RIMS2: variants seen among roughly 807,000 people sequenced by gnomAD.
RIMS2 encodes regulating synaptic membrane exocytosis 2.
RIMS2 carries 59 observed loss-of-function variants against 174.4 expected under a neutral mutation model. The observed-to-expected ratio is 0.34, with a 90% CI of 0.27 to 0.42. The LOEUF (loss-of-function observed/expected upper bound fraction) is 0.42, where lower values mean the gene tolerates loss of function less well. Ranked by LOEUF, RIMS2 falls within the 10% of genes least tolerant of loss-of-function variation. RIMS2 has a pLI of 1.00. For synonymous variants in RIMS2, 606 were observed against 572.5 expected, an observed-to-expected ratio of 1.06 and a Z score of -0.84; for missense variants, 1,620 against 1,666.3, an observed-to-expected ratio of 0.97 and a Z score of 0.48.
chr8:104,105,634 C>T (rs2131370289), intron 19 of RIMS2, among the ~76,000 whole-genome samples: 1 of 152,210 alleles, frequency 6.6e-6, no homozygotes, highest in East Asian at 1.9e-4. Context: ...ATGGTGCTAT[C>T]ATAGCTCACT....
chr8:103,865,284 C>CTTTTTTTTTTT (rs67300843), intron 3 of RIMS2, among the ~76,000 whole-genome samples: 11 of 119,726 alleles, frequency 9.2e-5, no homozygotes, highest in Non-Finnish European at 1.3e-4. Context: ...CAGTTTTTTT[C>CTTTTTTTTTTT]TTTTTTTTTT....
chr8:104,090,796 A>G (rs1598602524), intron 19 of RIMS2, among the ~76,000 whole-genome samples: 2 of 151,804 alleles, frequency 1.3e-5, no homozygotes, highest in African/African-American at 4.8e-5. Context: ...TTGTTTTATA[A>G]ACATATTTTC....
At chr8:103,534,411 G>T (rs556175163) in intron 1 of RIMS2, among the ~76,000 whole-genome samples, 1 of 152,120 alleles carries the variant, frequency 6.6e-6, no homozygotes, top group Admixed American at 6.5e-5. Context: ...CTGTGTAATT[G>T]AAGAGTTAAT....
intron 1 of RIMS2, among the ~76,000 whole-genome samples, chr8:103,586,915 A>C (rs2093953235): frequency 6.6e-6 from 1 of 152,074 alleles, no homozygotes; most frequent in Non-Finnish European, 1.5e-5. Context: ...TACAACTGAT[A>C]TTGCAGATAT....
chr8:104,005,872 G>A (rs2095556940), intron 17 of RIMS2, among the ~76,000 whole-genome samples: 1 of 151,920 alleles, frequency 6.6e-6, no homozygotes, highest in Admixed American at 6.6e-5. Context: ...TTCTGACAAA[G>A]CTAGTGGAGT....
chr8:103,923,175 A>G (rs750128229), intron 10 of RIMS2, among the ~76,000 whole-genome samples: 1 of 151,852 alleles, frequency 6.6e-6, no homozygotes, highest in African/African-American at 2.4e-5. Context: ...ATGCTAATAA[A>G]TGTTGTTTCT....
At chr8:103,511,383 A>C (rs1395190327) in intron 1 of RIMS2, among the ~76,000 whole-genome samples, 1 of 152,228 alleles carries the variant, frequency 6.6e-6, no homozygotes, top group Non-Finnish European at 1.5e-5. Flanking sequence ...TAAAAGACTC[A>C]GCATAACTTT....
At chr8:104,131,312 C>A (rs1429424556) in intron 19 of RIMS2, among the ~76,000 whole-genome samples, 1 of 152,018 alleles carries the variant, frequency 6.6e-6, no homozygotes, top group Non-Finnish European at 1.5e-5. Context: ...ACTAAACCAA[C>A]CTAAACTTGC....
intron 6 of RIMS2, 63 bp downstream of exon 9, chr8:103,912,235 G>A (rs1595008595): frequency 7.5e-7 from 1 of 1,329,096 alleles, no homozygotes; most frequent in Non-Finnish European, 1.0e-6. Context: ...GAAAAGCAAA[G>A]GATAACTCTT....
At chr8:103,890,189 C>T (rs181708936) in intron 4 of RIMS2, among the ~76,000 whole-genome samples, 46 of 152,034 alleles carry the variant, frequency 3.0e-4, no homozygotes, top group African/African-American at 9.6e-4. Context: ...TGTGGTCATA[C>T]GGATGTGGTC....
At chr8:103,554,006 A>T (rs920997952) in intron 1 of RIMS2, among the ~76,000 whole-genome samples, 4 of 152,158 alleles carry the variant, frequency 2.6e-5, no homozygotes, top group African/African-American at 7.2e-5. Context: ...TTTGTGAAAG[A>T]TTGAAGCTGG....
At chr8:103,834,714 T>TTCTTTCTC (rs2098851836) in intron 3 of RIMS2, among the ~76,000 whole-genome samples, 2 of 135,206 alleles carry the variant, frequency 1.5e-5, no homozygotes, top group Non-Finnish European at 3.1e-5. Flanking sequence ...CTTTCTTTCT[T>TTCTTTCTC]TCTTTCTTTC....
chr8:103,813,566 G>A (rs1183261062), intron 3 of RIMS2, among the ~76,000 whole-genome samples: 4 of 151,778 alleles, frequency 2.6e-5, no homozygotes, highest in African/African-American at 7.3e-5. Context: ...CCCACCCCAC[G>A]ACAGGCCCCA....
chr8:103,512,307 A>C (rs1264502275), intron 1 of RIMS2, among the ~76,000 whole-genome samples: 1 of 152,220 alleles, frequency 6.6e-6, no homozygotes, highest in Non-Finnish European at 1.5e-5. Flanking sequence ...ATCACAAAGC[A>C]GGTCAAAGAA....
At chr8:104,242,537 C>G (rs2099307188) in intron 19 of RIMS2, among the ~76,000 whole-genome samples, 1 of 152,154 alleles carries the variant, frequency 6.6e-6, no homozygotes, top group South Asian at 2.1e-4. Flanking sequence ...ATATTTTAAT[C>G]CAGAATAATT....
intron 3 of RIMS2, among the ~76,000 whole-genome samples, chr8:103,775,347 A>T (rs2098301825): frequency 1.3e-5 from 2 of 152,140 alleles, no homozygotes; most frequent in South Asian, 4.1e-4. Flanking sequence ...AAGAGGTTAA[A>T]CTATAGAGCT....
Position 103,809,466 on chromosome 8 carries a change from C to T in RIMS2, c.698+42929C>T, listed in dbSNP as rs562557795. On this transcript the variant is annotated intron_variant, in intron 3 of 23. Coordinates refer to ENST00000504942, the Ensembl canonical transcript of RIMS2. The stretch of plus-strand genomic sequence containing the variant: ...TGGTGTCCTCCCTACTTCCCTTTTC[C>T]TTTTCTTTTTCTCTTCTTCCCTCCT... Among the ~76,000 whole-genome samples the T allele has an allele frequency of 3.3e-5, 5 of 152,134 alleles. No homozygotes were observed. In the South Asian group the frequency reaches 8.3e-4, roughly 25 times the overall value.
At chr8:103,589,408 T>C (rs1444986195) in intron 1 of RIMS2, among the ~76,000 whole-genome samples, 1 of 151,576 alleles carries the variant, frequency 6.6e-6, no homozygotes. Context: ...AAATGGTTTA[T>C]ATCCAAAAGA....
chr8:103,810,383 A>G (rs184250240), intron 3 of RIMS2, among the ~76,000 whole-genome samples: 6 of 152,280 alleles, frequency 3.9e-5, no homozygotes, highest in African/African-American at 1.4e-4. Flanking sequence ...ACTGTTTCCC[A>G]TTTACACTCA....
Sources: gnomAD v4.1 joint callset for allele counts (sites outside exome capture counted in the v4.1 genomes callset) on GRCh38, gnomAD v4.1.1 for gene constraint, MANE v1.5 for transcripts, NCBI Gene and HGNC (gene_info 2026-07-23, HGNC 2026-07-21) for gene names.